VDAC1: variants seen among roughly 807,000 people sequenced by gnomAD.
VDAC1 encodes non-selective voltage-gated ion channel VDAC1.
VDAC1 carries 10 observed loss-of-function variants against 34.7 expected under a neutral mutation model. That is an observed-to-expected ratio of 0.29 (90% confidence interval 0.18 to 0.49). The LOEUF is 0.49. VDAC1 is among the 20% of genes least tolerant of loss of function. VDAC1 has a pLI of 0.99. For missense variants in VDAC1, 230 were observed against 347.9 expected (o/e 0.66, Z 2.69); for synonymous variants, 130 against 136.0 (o/e 0.96, Z 0.30).
chr5:134,046,305 A>G, the VDAC1 span, among the ~76,000 whole-genome samples: 2 of 152,012 alleles, frequency 1.3e-5, no homozygotes, highest in Non-Finnish European at 2.9e-5. Context: ...TGGGATTACA[A>G]ACATGAGCCA....
At chr5:134,012,421 G>A in the VDAC1 span, among the ~76,000 whole-genome samples, 1 of 152,142 alleles carries the variant, frequency 6.6e-6, no homozygotes, top group Admixed American at 6.5e-5. Flanking sequence ...TTAGAATGGG[G>A]CTATAGTATG....
the VDAC1 span, among the ~76,000 whole-genome samples, chr5:134,078,474 G>C: frequency 6.6e-6 from 1 of 152,108 alleles, no homozygotes; most frequent in African/African-American, 2.4e-5. Flanking sequence ...ACCCGCCACC[G>C]CAAGGCACCT....
the VDAC1 span, among the ~76,000 whole-genome samples, chr5:134,090,154 G>A: frequency 2.0e-5 from 3 of 152,028 alleles, no homozygotes; most frequent in African/African-American, 4.8e-5. Context: ...TCCCACCTCC[G>A]AGCACTATCC....
chr5:133,982,375 G>T (rs11954642), intron 5 of VDAC1, among the ~76,000 whole-genome samples: 31,310 of 151,664 alleles, frequency 0.21, 3,475 homozygotes, highest in East Asian at 0.45. Context: ...AGCTGGGCGC[G>T]GTGGTGGGCG....
chr5:134,101,279 T>C, the VDAC1 span, among the ~76,000 whole-genome samples: 1 of 152,158 alleles, frequency 6.6e-6, no homozygotes, highest in African/African-American at 2.4e-5. Flanking sequence ...ACCTAGAAGA[T>C]GATGCTGTTA....
At chr5:134,039,322 G>GTTTTTTATT in the VDAC1 span, among the ~76,000 whole-genome samples, 16 of 152,038 alleles carry the variant, frequency 1.1e-4, no homozygotes, top group Admixed American at 1.0e-3. Context: ...GACATGCGTG[G>GTTTTTTATT]TTTTTTATTT....
At chr5:134,075,839 C>T in the VDAC1 span, among the ~76,000 whole-genome samples, 2 of 152,224 alleles carry the variant, frequency 1.3e-5, no homozygotes, top group African/African-American at 4.8e-5. Flanking sequence ...CCCGCCTCAG[C>T]CTCCCAAAGT....
chr5:133,993,063 A>G (rs745950425), intron 1 of VDAC1, 45 bp from the exon 2 acceptor site: 2 of 1,549,316 alleles, frequency 1.3e-6, no homozygotes, highest in Admixed American at 3.7e-5. Flanking sequence ...ATAATTAGGG[A>G]AATTAGCTTT....
At chr5:134,077,462 G>A in the VDAC1 span, among the ~76,000 whole-genome samples, 13 of 152,178 alleles carry the variant, frequency 8.5e-5, no homozygotes, top group South Asian at 1.5e-3. Context: ...TACCCTCATG[G>A]AGCCTACTCC....
chr5:134,095,522 A>AAATAAATCAATC, the VDAC1 span, among the ~76,000 whole-genome samples: 5 of 150,814 alleles, frequency 3.3e-5, no homozygotes, highest in African/African-American at 1.2e-4. Context: ...ATAAATAAAT[A>AAATAAATCAATC]AATCCAAGAG....
At chr5:134,032,124 C>CAAAAAAAAAAAAAA in the VDAC1 span, among the ~76,000 whole-genome samples, 213 of 36,106 alleles carry the variant, frequency 5.9e-3, 36 homozygotes, top group African/African-American at 0.013. Context: ...CTCTGCCTCA[C>CAAAAAAAAAAAAAA]AAAAAAAAAA....
At chr5:134,101,332 G>A in the VDAC1 span, among the ~76,000 whole-genome samples, 5 of 151,672 alleles carry the variant, frequency 3.3e-5, no homozygotes, top group Non-Finnish European at 5.9e-5. Context: ...GCTCACGCCT[G>A]TAATCCCAGC....
the VDAC1 span, among the ~76,000 whole-genome samples, chr5:134,078,393 T>C: frequency 6.6e-6 from 1 of 152,088 alleles, no homozygotes; most frequent in Non-Finnish European, 1.5e-5. Flanking sequence ...AGGCAGCAGC[T>C]GGGAGCAGGT....
At chr5:134,046,358 A>G in the VDAC1 span, among the ~76,000 whole-genome samples, 3 of 151,718 alleles carry the variant, frequency 2.0e-5, no homozygotes, top group East Asian at 5.9e-4. Context: ...AAAAATAGAG[A>G]CGGGGTCTCC....
chr5:134,027,650 C>T, the VDAC1 span, among the ~76,000 whole-genome samples: 1 of 152,128 alleles, frequency 6.6e-6, no homozygotes, highest in Admixed American at 6.6e-5. Flanking sequence ...GAAAAGACAA[C>T]ACAACCAACA....
At chr5:134,095,514 A>AATC in the VDAC1 span, among the ~76,000 whole-genome samples, 1 of 147,100 alleles carries the variant, frequency 6.8e-6, no homozygotes, top group African/African-American at 2.7e-5. Flanking sequence ...ATAAATAAAT[A>AATC]AATAAATAAA....
At chr5:134,032,926 A>G in the VDAC1 span, among the ~76,000 whole-genome samples, 6 of 151,632 alleles carry the variant, frequency 4.0e-5, no homozygotes, top group South Asian at 1.3e-3. Flanking sequence ...CCAGCTACTC[A>G]GGAGGCTGGG....
chr5:133,996,924 C>A (rs1753338818), intron 1 of VDAC1, among the ~76,000 whole-genome samples: 1 of 152,084 alleles, frequency 6.6e-6, no homozygotes. Context: ...GCTCCCACCT[C>A]GGCCTAAGGA....
intron 6 of VDAC1, among the ~76,000 whole-genome samples, chr5:133,980,510 A>G (rs574475326): frequency 6.6e-6 from 1 of 152,252 alleles, no homozygotes; most frequent in African/African-American, 2.4e-5. Flanking sequence ...TACTGTTCAC[A>G]GAGTGGAAAG....
Sources: gnomAD v4.1 joint callset for allele counts (sites outside exome capture counted in the v4.1 genomes callset) on GRCh38, gnomAD v4.1.1 for gene constraint, MANE v1.5 for transcripts, NCBI Gene and HGNC (gene_info 2026-07-23, HGNC 2026-07-21) for gene names.